SMYD3: variants seen among roughly 807,000 people sequenced by gnomAD.
SMYD3 encodes the protein histone-lysine N-methyltransferase SMYD3.
Under a neutral mutation model 57.7 loss-of-function variants are expected in SMYD3, and 36 were observed. The ratio of observed to expected loss-of-function variants is 0.62; its 90% CI spans 0.48 to 0.82. The LOEUF (loss-of-function observed/expected upper bound fraction) is 0.82. Among genes scored for constraint, SMYD3 ranks in the 40% least tolerant of loss-of-function variants. SMYD3 has a pLI of 0.00. For missense variants in SMYD3, 515 were observed against 538.8 expected (o/e 0.96, Z 0.44); for synonymous variants, 211 against 195.0 (o/e 1.08, Z -0.68).
intron 5 of SMYD3, among the ~76,000 whole-genome samples, chr1:246,010,781 T>C (rs2059267234): frequency 6.6e-6 from 1 of 152,238 alleles, no homozygotes; most frequent in Admixed American, 6.5e-5. Context: ...AACTATGGCA[T>C]GGTGTCTATG....
chr1:246,281,352 C>T lies in SMYD3; in HGVS notation c.531+45849G>A, dbSNP rs540275566. On this transcript the variant is annotated intron_variant, in intron 5 of 11. Transcript: ENST00000490107. ...TATAATGGCTGCCATTGATTGGCAACCTACTATGTGCCAGAGACTACTACA... is the reference window on the plus strand; with the variant it reads ...TATAATGGCTGCCATTGATTGGCAATCTACTATGTGCCAGAGACTACTACA... Among the ~76,000 whole-genome samples, 25 of 152,314 alleles carry T rather than the reference C, an allele frequency of 1.6e-4. No individual in the cohort carries two copies. The South Asian group carries it at 5.2e-3, about 32-fold the overall frequency.
intron 5 of SMYD3, among the ~76,000 whole-genome samples, chr1:245,999,119 G>T (rs187757342): frequency 6.6e-6 from 1 of 151,700 alleles, no homozygotes; most frequent in Admixed American, 6.6e-5. Context: ...TACACTCAGA[G>T]ATCATTCAAA....
chr1:245,794,672 C>T (rs1340906583), intron 10 of SMYD3, among the ~76,000 whole-genome samples: 1 of 152,236 alleles, frequency 6.6e-6, no homozygotes, highest in African/African-American at 2.4e-5. Context: ...AAATATCCCT[C>T]CTGCCTCAGC....
chr1:245,833,059 C>CAAAAAAAAAAAAAAAAAAAAAAAAAAAAA (rs35215737), intron 10 of SMYD3, among the ~76,000 whole-genome samples: 1 of 40,844 alleles, frequency 2.4e-5, no homozygotes, highest in South Asian at 9.3e-4. Context: ...GAATATGTGA[C>CAAAAAAAAAAAAAAAAAAAAAAAAAAAAA]AAAAAAAAAA....
At chr1:246,231,723 G>C (rs868402608) in intron 5 of SMYD3, among the ~76,000 whole-genome samples, 3 of 152,074 alleles carry the variant, frequency 2.0e-5, no homozygotes, top group African/African-American at 7.2e-5. Context: ...ATACAAAAAG[G>C]CATGGCATGA....
At chr1:245,780,476 G>A (rs945443303) in intron 10 of SMYD3, among the ~76,000 whole-genome samples, 1 of 152,032 alleles carries the variant, frequency 6.6e-6, no homozygotes, top group South Asian at 2.1e-4. Context: ...GACAAATCCC[G>A]AATAGGCAAA....
chr1:245,938,099 T>C (rs1180810733), intron 5 of SMYD3, among the ~76,000 whole-genome samples: 1 of 152,242 alleles, frequency 6.6e-6, no homozygotes, highest in Admixed American at 6.5e-5. Flanking sequence ...TTCCTTTCAC[T>C]ATGTAGAAAT....
chr1:246,007,088 A>G (rs1364327895), intron 5 of SMYD3, among the ~76,000 whole-genome samples: 1 of 151,762 alleles, frequency 6.6e-6, no homozygotes, highest in East Asian at 1.9e-4. Context: ...AAAGTGATCA[A>G]CTCCCCACAT....
At chr1:246,165,969 C>T (rs1427311520) in intron 5 of SMYD3, among the ~76,000 whole-genome samples, 1 of 152,102 alleles carries the variant, frequency 6.6e-6, no homozygotes, top group Non-Finnish European at 1.5e-5. Context: ...AATGGATCTA[C>T]ATGTGCACAT....
At position 246,355,348 on chromosome 1, in the gene SMYD3, C is replaced by A. The variant is rs979876394; in HGVS notation, c.165-254G>T. On this transcript the variant is annotated intron_variant, in intron 1 of 11. Coordinates refer to ENST00000490107, the MANE Select transcript of SMYD3 (RefSeq NM_001167740.2). This position sits in a 1 kb window ranked among gnomAD's most constrained non-coding sequence, Gnocchi z 5.0. The stretch of plus-strand genomic sequence containing the variant: ...AAGAGGCAGGACCAGCTTGCAGCTC[C>A]CGATCGGACAGACAGAGCAGCGTGT... 8 of 470,276 alleles carry A rather than the reference C, an allele frequency of 1.7e-5. No homozygotes were observed. The highest frequency in any genetic ancestry group is 1.6e-4 in the African/African-American group (8 of 50,146). 29.1% of individuals were successfully genotyped at this position (470,276 alleles called of 1,614,324 possible). A position where few individuals can be genotyped will look rare whatever the true frequency, so the allele number is the denominator to read the frequency against.
chr1:245,901,603 C>T (rs1180760989), intron 8 of SMYD3, among the ~76,000 whole-genome samples: 1 of 152,128 alleles, frequency 6.6e-6, no homozygotes, highest in African/African-American at 2.4e-5. Context: ...AACAGAGAGA[C>T]ATCATCAAGA....
chr1:246,162,731 TAC>T (rs1180090219), intron 5 of SMYD3, among the ~76,000 whole-genome samples: 1 of 152,182 alleles, frequency 6.6e-6, no homozygotes, highest in Non-Finnish European at 1.5e-5. Flanking sequence ...TACTCAGAGG[TAC>T]AGAGACTAGT....
At chr1:245,784,421 A>T (rs368519806) in intron 10 of SMYD3, among the ~76,000 whole-genome samples, 2 of 152,210 alleles carry the variant, frequency 1.3e-5, no homozygotes, top group East Asian at 3.8e-4. Context: ...CGAAGGATAC[A>T]GCAGGGATAT....
chr1:245,830,134 T>C (rs577889168), intron 10 of SMYD3, among the ~76,000 whole-genome samples: 2 of 152,306 alleles, frequency 1.3e-5, no homozygotes, highest in South Asian at 2.1e-4. Context: ...TCAAAAAAGA[T>C]TGTACATAAC....
At chr1:246,207,153 A>C (rs747725748) in intron 5 of SMYD3, among the ~76,000 whole-genome samples, 17 of 152,180 alleles carry the variant, frequency 1.1e-4, no homozygotes, top group Admixed American at 7.2e-4. Context: ...TATAAAAATT[A>C]AATATGTGTT....
intron 7 of SMYD3, among the ~76,000 whole-genome samples, chr1:245,920,590 C>G (rs1405914879): frequency 6.6e-6 from 1 of 152,114 alleles, no homozygotes; most frequent in African/African-American, 2.4e-5. Context: ...CTGAGCTCCC[C>G]GACTTCAGGC....
chr1:245,790,587 G>A (rs1184564586), intron 10 of SMYD3, among the ~76,000 whole-genome samples: 1 of 152,234 alleles, frequency 6.6e-6, no homozygotes, highest in Non-Finnish European at 1.5e-5. Flanking sequence ...AAAAGACAGA[G>A]TCACAAGCAC....
chr1:246,278,754 C>G (rs1184325992), intron 5 of SMYD3, among the ~76,000 whole-genome samples: 2 of 152,082 alleles, frequency 1.3e-5, no homozygotes, highest in Non-Finnish European at 2.9e-5. Flanking sequence ...GACACCTGAC[C>G]CACAGAAACC....
chr1:246,490,060 T>C (rs987121041), intron 1 of SMYD3, among the ~76,000 whole-genome samples: 1 of 146,492 alleles, frequency 6.8e-6, no homozygotes, highest in African/African-American at 2.5e-5. Context: ...TAAGCTGGTC[T>C]GGAGCTTCTG....
Sources: gnomAD v4.1 joint callset for allele counts (sites outside exome capture counted in the v4.1 genomes callset) on GRCh38, gnomAD v4.1.1 for gene constraint, Gnocchi (gnomAD v3.1) non-coding constraint, MANE v1.5 for transcripts, NCBI Gene and HGNC (gene_info 2026-07-23, HGNC 2026-07-21) for gene names.